Variants in EXT1 observed in about 807,000 individuals in gnomAD.
EXT1 encodes exostosin glycosyltransferase 1.
Under a neutral mutation model 82.5 loss-of-function variants are expected in EXT1, and 20 were observed. That is an observed-to-expected ratio of 0.24 (90% confidence interval 0.17 to 0.35). The LOEUF (loss-of-function observed/expected upper bound fraction) is 0.35. Ranked by LOEUF, EXT1 falls within the 10% of genes least tolerant of loss-of-function variation. The pLI is 1.00. For missense variants in EXT1, 757 were observed against 936.5 expected, an observed-to-expected ratio of 0.81 and a Z score of 2.50; for synonymous variants, 348 against 350.8, an observed-to-expected ratio of 0.99 and a Z score of 0.09.
chr8:117,951,858 G>T (rs1453020557), intron 1 of EXT1, among the ~76,000 whole-genome samples: 2 of 152,138 alleles, frequency 1.3e-5, no homozygotes, highest in East Asian at 3.8e-4. Flanking sequence ...AATAATATGT[G>T]AAATTCAAAT....
At chr8:117,995,364 A>G (rs934101976) in intron 1 of EXT1, among the ~76,000 whole-genome samples, 1 of 152,228 alleles carries the variant, frequency 6.6e-6, no homozygotes, top group African/African-American at 2.4e-5. Flanking sequence ...AATCCAATCC[A>G]GGATTCCTGC....
intron 1 of EXT1, among the ~76,000 whole-genome samples, chr8:118,109,010 C>T (rs541487538): frequency 6.6e-6 from 1 of 152,280 alleles, no homozygotes; most frequent in East Asian, 1.9e-4. Context: ...CTCACTAACT[C>T]TTTCACAGCC....
At chr8:118,060,591 G>T (rs908843531) in intron 1 of EXT1, among the ~76,000 whole-genome samples, 7 of 152,152 alleles carry the variant, frequency 4.6e-5, no homozygotes, top group African/African-American at 1.7e-4. Context: ...CTCTTCATGT[G>T]ACGTCTGCAT....
chr8:117,855,898 G>A (rs1683762714), intron 1 of EXT1, among the ~76,000 whole-genome samples: 1 of 152,154 alleles, frequency 6.6e-6, no homozygotes, highest in Admixed American at 6.5e-5. Context: ...TCAAACACCC[G>A]ACCTCAGGTG....
chr8:118,063,106 T>C (rs1816911473), intron 1 of EXT1, among the ~76,000 whole-genome samples: 1 of 152,218 alleles, frequency 6.6e-6, no homozygotes, highest in Non-Finnish European at 1.5e-5. Context: ...TTGAGTTACT[T>C]TTAAAACTTG....
At chr8:117,844,505 G>A (rs1045395911) in intron 1 of EXT1, among the ~76,000 whole-genome samples, 3 of 152,096 alleles carry the variant, frequency 2.0e-5, no homozygotes, top group African/African-American at 4.8e-5. Context: ...GCAGTCGTAC[G>A]GAATTGCCCA....
intron 1 of EXT1, among the ~76,000 whole-genome samples, chr8:117,850,418 G>A (rs1420113799): frequency 6.6e-6 from 1 of 152,170 alleles, no homozygotes; most frequent in Non-Finnish European, 1.5e-5. Flanking sequence ...AGTTAACCCA[G>A]CAACGGCCAG....
chr8:117,992,158 G>GT (rs1815447504), intron 1 of EXT1, among the ~76,000 whole-genome samples: 1 of 152,042 alleles, frequency 6.6e-6, no homozygotes, highest in Non-Finnish European at 1.5e-5. Context: ...TTTCTCTGGA[G>GT]TTTTCATCTC....
intron 1 of EXT1, among the ~76,000 whole-genome samples, chr8:117,897,591 C>CTCTCTT (rs775608794): frequency 1.4e-3 from 125 of 90,692 alleles, no homozygotes; most frequent in African/African-American, 5.2e-3. Flanking sequence ...CTTCTTTTCT[C>CTCTCTT]TTTTTTTTTT....
At chr8:117,903,726 T>C (rs919745511) in intron 1 of EXT1, among the ~76,000 whole-genome samples, 2 of 152,190 alleles carry the variant, frequency 1.3e-5, no homozygotes, top group African/African-American at 4.8e-5. Flanking sequence ...TATCAAAATA[T>C]CAAATTAAAT....
chr8:118,064,364 T>C (rs996052611), intron 1 of EXT1, among the ~76,000 whole-genome samples: 1 of 152,046 alleles, frequency 6.6e-6, no homozygotes, highest in African/African-American at 2.4e-5. Context: ...GTGTATGATG[T>C]GCCCCTCCCT....
intron 1 of EXT1, among the ~76,000 whole-genome samples, chr8:117,863,325 G>A (rs1013916238): frequency 9.0e-6 from 1 of 111,430 alleles, no homozygotes; most frequent in African/African-American, 2.6e-5. Flanking sequence ...ATTCCAAAGT[G>A]CATGCTCTTC....
chr8:118,003,494 T>G (rs1815714584), intron 1 of EXT1, among the ~76,000 whole-genome samples: 1 of 152,204 alleles, frequency 6.6e-6, no homozygotes, highest in African/African-American at 2.4e-5. Context: ...CTGGATTCTT[T>G]AAGTCAAGAT....
chr8:118,048,066 G>C (rs1012391100), intron 1 of EXT1, among the ~76,000 whole-genome samples: 6 of 151,270 alleles, frequency 4.0e-5, no homozygotes, highest in African/African-American at 9.7e-5. Context: ...CCCTAGGTTT[G>C]CTCCCTGGAA....
rs143744722 is a variant in EXT1, at chr8:117,953,634, A to C, written c.963-116433T>G. ...TGCCTCTGCTCCCATTTCAGATTAG[A>C]GTGTGTTATGCAGCCATGTAGTTGG... On this transcript the variant is annotated intron_variant, in intron 1 of 10. Coordinates refer to ENST00000378204, the MANE Select transcript of EXT1 (RefSeq NM_000127.3). Among the ~76,000 whole-genome samples, 16 of 152,118 alleles carry C rather than the reference A, an allele frequency of 1.1e-4. No individual in the cohort carries two copies. The East Asian group carries it at 2.9e-3, about 28-fold the overall frequency.
chr8:118,100,661 G>A (rs1188878071), intron 1 of EXT1, among the ~76,000 whole-genome samples: 2 of 151,358 alleles, frequency 1.3e-5, no homozygotes, highest in African/African-American at 4.9e-5. Flanking sequence ...CAGCAGAATC[G>A]CTTGAACCCA....
intron 1 of EXT1, among the ~76,000 whole-genome samples, chr8:118,014,663 T>G (rs949491010): frequency 6.6e-6 from 1 of 152,140 alleles, no homozygotes; most frequent in South Asian, 2.1e-4. Flanking sequence ...TGGTCTTAAA[T>G]GCCTGGGCTC....
At chr8:117,868,348 A>T (rs1348902280) in intron 1 of EXT1, among the ~76,000 whole-genome samples, 3 of 152,206 alleles carry the variant, frequency 2.0e-5, no homozygotes, top group African/African-American at 7.2e-5. Context: ...TATAAGCCAC[A>T]AGCACATCAT....
At chr8:118,084,315 G>A (rs1314163237) in intron 1 of EXT1, among the ~76,000 whole-genome samples, 2 of 152,158 alleles carry the variant, frequency 1.3e-5, no homozygotes, top group Admixed American at 1.3e-4. Context: ...GCTACCTCCT[G>A]GGATCAACTG....
Sources: allele counts gnomAD v4.1 joint callset (sites outside exome capture counted in the v4.1 genomes callset), GRCh38; gene constraint gnomAD v4.1.1; transcripts MANE v1.5; gene names NCBI Gene and HGNC (gene_info 2026-07-23, HGNC 2026-07-21).